Variants in ASCC3 observed in about 807,000 individuals in gnomAD.
The protein encoded by ASCC3 is activating signal cointegrator 1 complex subunit 3, also known as ASC-1 complex subunit P200.
ASCC3 carries 158 observed loss-of-function variants against 256.3 expected under a neutral mutation model. The observed-to-expected ratio is 0.62, with a 90% CI of 0.54 to 0.70. The LOEUF (loss-of-function observed/expected upper bound fraction) is 0.70, where lower values mean the gene tolerates loss of function less well. ASCC3 is among the 30% of genes least tolerant of loss of function. ASCC3 has a pLI of 0.00. For synonymous variants in ASCC3, 948 were observed against 883.4 expected, an observed-to-expected ratio of 1.07 and a Z score of -1.30; for missense variants, 2,259 against 2,626.0, an observed-to-expected ratio of 0.86 and a Z score of 3.05.
intron 11 of ASCC3, among the ~76,000 whole-genome samples, chr6:100,724,300 G>C (rs1779519778): frequency 6.6e-6 from 1 of 151,620 alleles, no homozygotes; most frequent in Non-Finnish European, 1.5e-5. Flanking sequence ...AAAAAAACAG[G>C]TTTGAGAACT....
intron 10 of ASCC3, among the ~76,000 whole-genome samples, chr6:100,738,208 A>C (rs1780271212): frequency 6.6e-6 from 1 of 152,268 alleles, no homozygotes; most frequent in African/African-American, 2.4e-5. Context: ...GCTGTGCAGA[A>C]GCTCTTTAGT....
chr6:100,519,454 T>C (rs1044902301), intron 37 of ASCC3, among the ~76,000 whole-genome samples: 1 of 152,148 alleles, frequency 6.6e-6, no homozygotes, highest in Non-Finnish European at 1.5e-5. Context: ...ATATTCTTCC[T>C]TTTTCTCTGT....
At chr6:100,592,222 A>C (rs949073562) in intron 34 of ASCC3, among the ~76,000 whole-genome samples, 1 of 151,658 alleles carries the variant, frequency 6.6e-6, no homozygotes, top group African/African-American at 2.4e-5. Context: ...TATTATTCAT[A>C]ATCTAACTTG....
intron 4 of ASCC3, among the ~76,000 whole-genome samples, chr6:100,836,436 G>A (rs1771879496): frequency 6.6e-6 from 1 of 151,892 alleles, no homozygotes; most frequent in African/African-American, 2.4e-5. Flanking sequence ...TTTGTTGAGG[G>A]GTTTTAATCA....
rs2114914640 is a variant in ASCC3, at chr6:100,652,818, C to G, written c.2895G>C (p.Gln965His). ...IEVGRKLDKA[Q>H]MIRFEERTGY... ...CAGTTCGCTCCTCAAAACGAATCATCTGAGCTTTGTCTAGTTTTCGTCCAA... is the reference window on the plus strand; with the variant it reads ...CAGTTCGCTCCTCAAAACGAATCATGTGAGCTTTGTCTAGTTTTCGTCCAA... Residue 965 changes from glutamine to histidine, a missense_variant, in exon 18 of 42, where the codon CAG becomes CAC. Around this residue, in one of 2 missense-constraint regions of ASCC3, gnomAD observed 1,839 missense variants for 2,206.7 expected, o/e 0.83. Coordinates refer to ENST00000369162, the MANE Select transcript of ASCC3 (RefSeq NM_006828.4). The G allele has an allele frequency of 6.2e-7, 1 of 1,613,890 alleles. No individual in the cohort carries two copies. The highest frequency in any genetic ancestry group is 8.5e-7 in the Non-Finnish European group (1 of 1,179,904).
Position 100,756,006 on chromosome 6 carries a change from T to A in ASCC3, c.1737+10559A>T, listed in dbSNP as rs376338660. Among the ~76,000 whole-genome samples the A allele has an allele frequency of 5.9e-5, 9 of 152,104 alleles. No homozygotes were observed. In the East Asian group the frequency reaches 9.6e-4, roughly 16 times the overall value. On this transcript the variant is annotated intron_variant, in intron 10 of 41. Transcript: ENST00000369162. ...AAATATATATTTATGTTAACAGATATCATTAGGAGATTTTTAAGATTCATA... is the reference window on the plus strand; with the variant it reads ...AAATATATATTTATGTTAACAGATAACATTAGGAGATTTTTAAGATTCATA...
chr6:100,610,162 C>T (rs1247273698), intron 30 of ASCC3, among the ~76,000 whole-genome samples: 2 of 152,162 alleles, frequency 1.3e-5, no homozygotes, highest in African/African-American at 4.8e-5. Context: ...AAATGCATAA[C>T]TTTTATATGC....
chr6:100,604,378 T>C (rs1427932081), intron 33 of ASCC3, among the ~76,000 whole-genome samples: 1 of 151,938 alleles, frequency 6.6e-6, no homozygotes, highest in Non-Finnish European at 1.5e-5. Flanking sequence ...CTTACTCTTT[T>C]TCTTTCTTTG....
At chr6:100,656,748 A>C (rs1299961577) in intron 16 of ASCC3, among the ~76,000 whole-genome samples, 1 of 151,280 alleles carries the variant, frequency 6.6e-6, no homozygotes, top group African/African-American at 2.4e-5. Context: ...TTCCTTAGCC[A>C]ATGGTTCTAT....
chr6:100,662,154 T>C, intron 15 of ASCC3, 124 bp from the exon 16 acceptor site: 1 of 1,132,376 alleles, frequency 8.8e-7, no homozygotes, highest in Non-Finnish European at 1.3e-6. Context: ...AATCCTTTCA[T>C]CATCTGTGAT....
chr6:100,708,922 T>C (rs542032041), intron 13 of ASCC3, among the ~76,000 whole-genome samples: 12 of 152,198 alleles, frequency 7.9e-5, no homozygotes, highest in African/African-American at 2.6e-4. Context: ...ACATGTGTTA[T>C]TGCAATCGTG....
intron 8 of ASCC3, among the ~76,000 whole-genome samples, chr6:100,775,623 AC>A (rs1263367466): frequency 6.6e-6 from 1 of 152,126 alleles, no homozygotes; most frequent in African/African-American, 2.4e-5. Context: ...GCATATATAT[AC>A]ATCACTATCA....
chr6:100,530,786 A>G, intron 37 of ASCC3: 1 of 1,051,280 alleles, frequency 9.5e-7, no homozygotes. Flanking sequence ...ATCCAAGACA[A>G]AAAGGATTAG....
intron 30 of ASCC3, among the ~76,000 whole-genome samples, chr6:100,624,199 T>G (rs1244039773): frequency 6.6e-6 from 1 of 151,876 alleles, no homozygotes; most frequent in Non-Finnish European, 1.5e-5. Context: ...GATTAATATG[T>G]ATATATGTAT....
At chr6:100,609,472 T>A (rs541478012) in intron 30 of ASCC3, among the ~76,000 whole-genome samples, 6 of 150,988 alleles carry the variant, frequency 4.0e-5, no homozygotes, top group Admixed American at 1.3e-4. Context: ...ATCTAAATGG[T>A]TTTTGAAACT....
chr6:100,643,950 A>G (rs975799007), intron 23 of ASCC3, 81 bp downstream of exon 23: 9 of 924,366 alleles, frequency 9.7e-6, no homozygotes, highest in East Asian at 2.6e-5. Flanking sequence ...CTATAAAATT[A>G]CAGAGAAATA....
chr6:100,654,400 T>A (rs1775821204), intron 17 of ASCC3, among the ~76,000 whole-genome samples: 1 of 152,054 alleles, frequency 6.6e-6, no homozygotes, highest in South Asian at 2.1e-4. Flanking sequence ...TGACTTTTGA[T>A]TATAACCTAG....
chr6:100,631,062 AACT>A, intron 26 of ASCC3, 63 bp downstream of exon 26: 2 of 1,159,170 alleles, frequency 1.7e-6, no homozygotes, highest in East Asian at 4.8e-5. Context: ...AGTTTTATTC[AACT>A]CTTATTTCCT....
intron 8 of ASCC3, among the ~76,000 whole-genome samples, chr6:100,768,357 C>T (rs938084814): frequency 1.3e-5 from 2 of 151,970 alleles, no homozygotes; most frequent in Admixed American, 1.3e-4. Context: ...ATATAAAAGT[C>T]TTAGATGAAA....
Sources: allele counts gnomAD v4.1 joint callset (sites outside exome capture counted in the v4.1 genomes callset), GRCh38; gene constraint gnomAD v4.1.1; regional missense constraint gnomAD v4.1.1; transcripts MANE v1.5; gene names NCBI Gene and HGNC (gene_info 2026-07-23, HGNC 2026-07-21).